The following BCAS3 variants were observed in gnomAD, a reference collection of about 807,000 sequenced individuals.
BCAS3 encodes BCAS3 microtubule associated cell migration factor, also known as BCAS4/BCAS3 fusion.
BCAS3 carries 53 observed loss-of-function variants against 116.1 expected under a neutral mutation model. The ratio of observed to expected loss-of-function variants is 0.46; its 90% CI spans 0.37 to 0.57. The LOEUF (loss-of-function observed/expected upper bound fraction) is 0.57. Among genes scored for constraint, BCAS3 ranks in the 20% least tolerant of loss-of-function variants. BCAS3 has a pLI of 0.00. For missense variants in BCAS3, 917 were observed against 1,165.4 expected (o/e 0.79, Z 3.10); for synonymous variants, 391 against 408.2 (o/e 0.96, Z 0.51).
chr17:60,856,309 G>A (rs1320023784), intron 7 of BCAS3, among the ~76,000 whole-genome samples: 1 of 152,134 alleles, frequency 6.6e-6, no homozygotes, highest in East Asian at 1.9e-4. Flanking sequence ...CAGAATTAGA[G>A]CCTGAATTTC....
At chr17:61,237,553 C>T (rs2083162849) in intron 22 of BCAS3, among the ~76,000 whole-genome samples, 1 of 152,200 alleles carries the variant, frequency 6.6e-6, no homozygotes, top group African/African-American at 2.4e-5. Context: ...GGGTCCTTGC[C>T]ACCTTTAAGA....
chr17:61,305,916 G>A (rs1030817853), intron 22 of BCAS3, among the ~76,000 whole-genome samples: 2 of 152,138 alleles, frequency 1.3e-5, no homozygotes, highest in Admixed American at 6.5e-5. Flanking sequence ...AATAATGGCT[G>A]CATTTGTTGT....
rs1395109783 is a variant in BCAS3 at position 60,889,038 on chromosome 17, C to T, written c.662-657C>T. ...AACCGATTCTTCAATTTACACATCC[C>T]TGTAATCAAGTTGGAGGAAGATAGA... On this transcript the variant is annotated intron_variant, in intron 9 of 23. Transcript: ENST00000407086. Among the ~76,000 whole-genome samples the T allele has an allele frequency of 3.9e-5, 6 of 152,130 alleles. No individual in the cohort carries two copies. The East Asian group carries it at 1.2e-3, about 29-fold the overall frequency.
chr17:60,912,149 T>C (rs2058549530), intron 12 of BCAS3, among the ~76,000 whole-genome samples: 1 of 152,150 alleles, frequency 6.6e-6, no homozygotes, highest in African/African-American at 2.4e-5. Context: ...GGAAGGTAAT[T>C]TTTTTATTCT....
At chr17:60,812,942 G>A (rs936320954) in intron 7 of BCAS3, among the ~76,000 whole-genome samples, 3 of 151,998 alleles carry the variant, frequency 2.0e-5, no homozygotes, top group Admixed American at 2.0e-4. Flanking sequence ...AAGTTCCCAC[G>A]ATGTTACCCA....
rs2143702532 is a variant in BCAS3, at chr17:61,392,359, T to C, written c.*234T>C. 4.1e-6 allele frequency: 2 copies of C among 484,148 alleles called. No individual in the cohort carries two copies. 30.0% of individuals were successfully genotyped at this position (484,148 alleles called of 1,614,324 possible). ...TGGAGGCTGTGGCCAGGAGAGACTGTAGAAGCTCGGTCCCTGTGTATGTTT... is the reference window on the plus strand; with the variant it reads ...TGGAGGCTGTGGCCAGGAGAGACTGCAGAAGCTCGGTCCCTGTGTATGTTT... On this transcript the variant is annotated 3_prime_UTR_variant, in exon 24 of 24. Coordinates refer to ENST00000407086, the MANE Select transcript of BCAS3 (RefSeq NM_017679.5). The surrounding 1 kb of genome is among the most constrained non-coding windows in gnomAD (Gnocchi z 6.4).
intron 22 of BCAS3, among the ~76,000 whole-genome samples, chr17:61,206,414 T>A (rs2081126861): frequency 6.6e-6 from 1 of 152,202 alleles, no homozygotes; most frequent in Non-Finnish European, 1.5e-5. Flanking sequence ...TAACTTCGTT[T>A]GTACATATTA....
chr17:61,030,162 A>G (rs2066527715), intron 16 of BCAS3, among the ~76,000 whole-genome samples: 1 of 152,090 alleles, frequency 6.6e-6, no homozygotes, highest in Admixed American at 6.6e-5. Flanking sequence ...TGGGTCTTAC[A>G]TTTAAACTCA....
At chr17:60,851,397 G>A (rs2053142894) in intron 7 of BCAS3, 2 of 398,940 alleles carry the variant, frequency 5.0e-6, no homozygotes, top group South Asian at 4.1e-5. Flanking sequence ...CGAGAGGAAG[G>A]TCAGCTCCAC....
At chr17:61,232,401 T>G (rs1192811182) in intron 22 of BCAS3, among the ~76,000 whole-genome samples, 7 of 150,562 alleles carry the variant, frequency 4.6e-5, no homozygotes, top group South Asian at 2.1e-4. Flanking sequence ...AAAAAAAAGG[T>G]GGGGGGTGGG....
chr17:61,039,456 T>C (rs2067327657), intron 18 of BCAS3, among the ~76,000 whole-genome samples: 1 of 152,056 alleles, frequency 6.6e-6, no homozygotes, highest in African/African-American at 2.4e-5. Flanking sequence ...GGAGTCTTGC[T>C]CTGTCACCTA....
At chr17:61,260,784 A>G (rs1602252396) in intron 22 of BCAS3, among the ~76,000 whole-genome samples, 3 of 152,312 alleles carry the variant, frequency 2.0e-5, no homozygotes, top group South Asian at 4.1e-4. Flanking sequence ...GTAAAACGCC[A>G]TTAATAACAA....
chr17:60,853,968 G>A (rs1183328318), intron 7 of BCAS3, among the ~76,000 whole-genome samples: 4 of 151,742 alleles, frequency 2.6e-5, no homozygotes, highest in Non-Finnish European at 4.4e-5. Context: ...TGTTACATAC[G>A]TATACACACG....
At position 61,199,525 on chromosome 17, in the gene BCAS3, AT is replaced by A. The variant is rs918481951; in HGVS notation, c.2425+114968del. On this transcript the variant is annotated intron_variant, in intron 22 of 23. Coordinates refer to ENST00000407086, the MANE Select transcript of BCAS3 (RefSeq NM_017679.5). The surrounding 1 kb of genome is among the most constrained non-coding windows in gnomAD (Gnocchi z 4.6). ...ATTCATTTTTATTATCTAATCACATATTTTTTTCCCTTCTAATTTGTGCCCT... is the reference window on the plus strand; with the variant it reads ...ATTCATTTTTATTATCTAATCACATATTTTTTCCCTTCTAATTTGTGCCCT... 1.4e-4 allele frequency among the ~76,000 whole-genome samples: 21 copies of A among 152,280 alleles called. No homozygotes were observed. In the East Asian group the frequency reaches 2.1e-3, roughly 15 times the overall value.
chr17:61,297,836 A>T (rs971977760), intron 22 of BCAS3, among the ~76,000 whole-genome samples: 2 of 152,248 alleles, frequency 1.3e-5, no homozygotes, highest in African/African-American at 4.8e-5. Flanking sequence ...TTGGTAGCAC[A>T]TTCTACTTTT....
chr17:60,726,442 T>A (rs1185863350), intron 5 of BCAS3, among the ~76,000 whole-genome samples: 39 of 135,686 alleles, frequency 2.9e-4, no homozygotes, highest in South Asian at 9.6e-4. Context: ...TCAGGTGATC[T>A]GCCCGCCTTG....
intron 22 of BCAS3, among the ~76,000 whole-genome samples, chr17:61,212,499 T>A (rs2081520336): frequency 6.6e-6 from 1 of 151,792 alleles, no homozygotes; most frequent in African/African-American, 2.4e-5. Context: ...AAAGGCTACC[T>A]AAATTTTGTT....
chr17:60,769,165 T>G (rs1486895865), intron 6 of BCAS3, among the ~76,000 whole-genome samples: 4 of 152,136 alleles, frequency 2.6e-5, no homozygotes, highest in Non-Finnish European at 1.5e-5. Context: ...CTGTGGGGAC[T>G]AGACTGGCTG....
At chr17:61,005,754 T>C (rs1299540754) in intron 15 of BCAS3, among the ~76,000 whole-genome samples, 5 of 149,874 alleles carry the variant, frequency 3.3e-5, no homozygotes, top group African/African-American at 5.1e-5. Context: ...TTTGTGGCTA[T>C]ACTTTTTTTT....
Sources: allele counts gnomAD v4.1 joint callset (sites outside exome capture counted in the v4.1 genomes callset), GRCh38; gene constraint gnomAD v4.1.1; non-coding constraint Gnocchi (gnomAD v3.1); transcripts MANE v1.5; gene names NCBI Gene and HGNC (gene_info 2026-07-23, HGNC 2026-07-21).